The following SLC44A2 variants were observed in gnomAD, a reference collection of about 807,000 sequenced individuals.
The protein encoded by SLC44A2 is choline transporter-like protein 2.
Under a neutral mutation model 90.8 loss-of-function variants are expected in SLC44A2, and 57 were observed. The observed-to-expected ratio is 0.63, with a 90% CI of 0.51 to 0.78. The LOEUF is 0.78. Among genes scored for constraint, SLC44A2 ranks in the 30% least tolerant of loss-of-function variants. The probability of loss-of-function intolerance (pLI) is 0.00; values close to 1 mark genes in which losing one functional copy is unlikely to be tolerated. For missense variants in SLC44A2, 794 were observed against 919.7 expected (o/e 0.86, Z 1.77); for synonymous variants, 355 against 360.7 (o/e 0.98, Z 0.18).
At chr19:10,618,677 C>T (rs2066875332) in intron 1 of SLC44A2, among the ~76,000 whole-genome samples, 1 of 151,944 alleles carries the variant, frequency 6.6e-6, no homozygotes, top group African/African-American at 2.4e-5. Context: ...GACGGGGTTT[C>T]ACCGTGTTAG....
chr19:10,631,456 C>T lies in SLC44A2; in HGVS notation c.442-19C>T, dbSNP rs1461081266. The T allele has an allele frequency of 1.2e-6, 2 of 1,614,120 alleles. No individual in the cohort carries two copies. Among genetic ancestry groups the T allele is most frequent in the Admixed American group, 1.7e-5 (1 of 60,002 alleles). ...TGTACTAGACTTGGGGACTCACCTC[C>T]CTCCATCTCTCTTGGCAGGGAGTGG... On this transcript the variant is annotated intron_variant, in intron 6 of 21. Coordinates refer to ENST00000335757, the MANE Select transcript of SLC44A2 (RefSeq NM_020428.4).
intron 1 of SLC44A2, among the ~76,000 whole-genome samples, chr19:10,603,309 T>A (rs1918013163): frequency 6.6e-6 from 1 of 152,078 alleles, no homozygotes; most frequent in Admixed American, 6.5e-5. Context: ...CTCCCCTGAA[T>A]TCCCACGGTG....
intron 1 of SLC44A2, among the ~76,000 whole-genome samples, chr19:10,613,410 C>T (rs1368833777): frequency 2.6e-5 from 4 of 151,994 alleles, no homozygotes; most frequent in African/African-American, 9.7e-5. Flanking sequence ...CCACTATGCC[C>T]GGCTAATTTT....
In SLC44A2 at chr19:10,602,619, G is replaced by A; in HGVS notation, c.31+58G>A. ...GCTGACCTGCGGGTGGGAGGACCTT[G>A]AGCCAGGGGGACATCTGAGACCCTA... On this transcript the variant is annotated intron_variant, in intron 1 of 21. Transcript: ENST00000407327. The A allele has an allele frequency of 6.5e-6, 8 of 1,237,442 alleles. No homozygotes were observed. The South Asian group carries it at 3.0e-4, about 47-fold the overall frequency. 76.7% of individuals were successfully genotyped at this position (1,237,442 alleles called of 1,614,324 possible).
chr19:10,642,983 G>A, intron 21 of SLC44A2: 2 of 1,583,100 alleles, frequency 1.3e-6, no homozygotes, highest in Non-Finnish European at 1.7e-6. Flanking sequence ...GAAGGGGAGT[G>A]CGGAGGAGGG....
At chr19:10,627,147 C>A (rs2066942301) in intron 2 of SLC44A2, among the ~76,000 whole-genome samples, 1 of 151,962 alleles carries the variant, frequency 6.6e-6, no homozygotes, top group Admixed American at 6.6e-5. Flanking sequence ...ATGGTGAAAC[C>A]CTGTCTCTAC....
In SLC44A2 at chr19:10,631,764, G is replaced by A. The variant is rs117224387; in HGVS notation, c.626+15G>A. ...GAGGGCGCCAAGTGAGGATATTGGC[G>A]CACCGCGCCAGGGTCTCACTTTGCT... is the stretch of plus-strand genomic sequence containing the variant. On this transcript the variant is annotated intron_variant, in intron 8 of 21. Coordinates refer to ENST00000335757, the MANE Select transcript of SLC44A2 (RefSeq NM_020428.4). 68 of 1,613,908 alleles carry A rather than the reference G, an allele frequency of 4.2e-5. No homozygotes were observed. Among genetic ancestry groups the A allele is most frequent in the African/African-American group, 8.0e-5 (6 of 75,072 alleles).
chr19:10,614,122 C>A (rs888927445), intron 1 of SLC44A2, among the ~76,000 whole-genome samples: 3 of 151,884 alleles, frequency 2.0e-5, no homozygotes, highest in Non-Finnish European at 4.4e-5. Context: ...CACACCACCA[C>A]GCCCAGCTAA....
intron 1 of SLC44A2, among the ~76,000 whole-genome samples, chr19:10,604,118 T>A (rs1345180141): frequency 6.6e-6 from 1 of 152,068 alleles, no homozygotes; most frequent in Non-Finnish European, 1.5e-5. Flanking sequence ...AACCCAGCAG[T>A]GAATAGACCA....
chr19:10,632,536 CAAAA>C (rs1175919247), intron 10 of SLC44A2, among the ~76,000 whole-genome samples: 2 of 73,502 alleles, frequency 2.7e-5, no homozygotes, highest in African/African-American at 5.2e-5. Context: ...AACTCCATCT[CAAAA>C]AAAAAAAAAA....
At chr19:10,616,578 A>T (rs2066856849) in intron 1 of SLC44A2, among the ~76,000 whole-genome samples, 1 of 151,700 alleles carries the variant, frequency 6.6e-6, no homozygotes, top group African/African-American at 2.4e-5. Flanking sequence ...ATTTTTAGAG[A>T]CCGGGACCTG....
intron 20 of SLC44A2, chr19:10,641,328 A>G (rs1205076689): frequency 2.4e-6 from 1 of 416,154 alleles, no homozygotes; most frequent in Non-Finnish European, 4.7e-6. Context: ...TGGGAGGTCA[A>G]GGCTGCAGTG....
intron 1 of SLC44A2, among the ~76,000 whole-genome samples, chr19:10,609,864 G>A (rs1244823407): frequency 6.6e-6 from 1 of 151,918 alleles, no homozygotes; most frequent in Non-Finnish European, 1.5e-5. Flanking sequence ...TGAAGGGCAG[G>A]GCACAATCTC....
At position 10,619,148 on chromosome 19, in the gene SLC44A2, G is replaced by A. The variant is rs150838566; in HGVS notation, c.32-7105G>A. On this transcript the variant is annotated intron_variant, in intron 1 of 21. Transcript: ENST00000407327. ...TGCCCGGCTAGTTTTTAAAAATTTT[G>A]GCCGGGCACAGTGGCTCACATCTGT... 3.5e-3 allele frequency among the ~76,000 whole-genome samples: 528 copies of A among 151,346 alleles called. 2 individuals carry two copies. Among genetic ancestry groups the A allele is most frequent in the Middle Eastern group, 6.8e-3 (2 of 294 alleles).
chr19:10,627,672 G>A lies in SLC44A2; in HGVS notation c.87-50G>A, dbSNP rs375401857. On this transcript the variant is annotated intron_variant, in intron 2 of 21. Coordinates refer to ENST00000335757, the MANE Select transcript of SLC44A2 (RefSeq NM_020428.4). ...GTTTGCAGAGGGCAGATGGGCCCAT[G>A]GTGCACACAGCACCAAGCCTCCTCC... is the stretch of plus-strand genomic sequence containing the variant. The A allele has an allele frequency of 2.5e-6, 4 of 1,597,056 alleles. No individual in the cohort carries two copies. In the African/African-American group the frequency reaches 5.4e-5, roughly 21 times the overall value.
intron 1 of SLC44A2, among the ~76,000 whole-genome samples, chr19:10,610,433 G>A (rs1918259091): frequency 1.4e-5 from 2 of 146,516 alleles, no homozygotes; most frequent in African/African-American, 2.5e-5. Context: ...CCGGGTTCAC[G>A]CCATTCTCCT....
intron 19 of SLC44A2, 57 bp from the exon 20 acceptor site, chr19:10,638,170 G>T: frequency 1.2e-6 from 2 of 1,612,728 alleles, no homozygotes; most frequent in South Asian, 2.2e-5. Flanking sequence ...ATCTTCTTAG[G>T]AGGCTGTTTC....
rs2067138172 is a variant in SLC44A2, at chr19:10,643,298, T to C, written c.2034T>C (p.Asn678=). 1 of 1,610,946 alleles carries C rather than the reference T, an allele frequency of 6.2e-7. No individual in the cohort carries two copies. The highest frequency in any genetic ancestry group is 1.7e-5 in the Admixed American group (1 of 59,750). ...CCACAGTGGAGGACCTGGAGAGGAATGACGGCTCGGCCGAGAGGCCTTACT... is the reference window on the plus strand; with the variant it reads ...CCACAGTGGAGGACCTGGAGAGGAACGACGGCTCGGCCGAGAGGCCTTACT... ...FLCFLEDLER[N]DGSAERPYFM... Residue 678 remains asparagine, a synonymous_variant, in exon 22 of 22, where the codon AAT becomes AAC. Coordinates refer to ENST00000335757, the MANE Select transcript of SLC44A2 (RefSeq NM_020428.4).
Position 10,625,591 on chromosome 19 carries a change from G to A in SLC44A2, c.-43G>A, listed in dbSNP as rs3745241. On this transcript the variant is annotated 5_prime_UTR_variant, in exon 1 of 22. Coordinates refer to ENST00000335757, the MANE Select transcript of SLC44A2 (RefSeq NM_020428.4). ...AGACTCGGGAGGGTCGAGGGGGCGC[G>A]GGAGAGAGCGCGGGCGGCCGCCGGG... 19,708 of 1,240,032 alleles carry A rather than the reference G, an allele frequency of 0.016. 2,271 individuals carry two copies. In the East Asian group the frequency reaches 0.35, roughly 22 times the overall value. 76.8% of individuals were successfully genotyped at this position (1,240,032 alleles called of 1,614,324 possible).
Sources: allele counts gnomAD v4.1 joint callset (sites outside exome capture counted in the v4.1 genomes callset), GRCh38; gene constraint gnomAD v4.1.1; transcripts MANE v1.5; gene names NCBI Gene and HGNC (gene_info 2026-07-23, HGNC 2026-07-21).